Variants in RPS6KA2 observed in about 807,000 individuals in gnomAD.
RPS6KA2 encodes ribosomal protein S6 kinase alpha-2.
A neutral mutation model predicts 91.8 loss-of-function variants in RPS6KA2; 42 were observed. That is an observed-to-expected ratio of 0.46 (90% confidence interval 0.36 to 0.59). The LOEUF is 0.59. Ranked by LOEUF, RPS6KA2 falls within the 20% of genes least tolerant of loss-of-function variation. The probability of loss-of-function intolerance (pLI) is 0.00; values close to 1 mark genes in which losing one functional copy is unlikely to be tolerated. For missense variants in RPS6KA2, 798 were observed against 978.5 expected (o/e 0.82, Z 2.46); for synonymous variants, 414 against 393.6 (o/e 1.05, Z -0.61).
At chr6:166,422,494 G>C (rs1472092383) in intron 17 of RPS6KA2, among the ~76,000 whole-genome samples, 1 of 152,108 alleles carries the variant, frequency 6.6e-6, no homozygotes, top group South Asian at 2.1e-4. Flanking sequence ...TCTGAAGTCC[G>C]CCTTCCTTCC....
At chr6:166,676,199 C>G (rs1291981987) in intron 2 of RPS6KA2, among the ~76,000 whole-genome samples, 1 of 152,050 alleles carries the variant, frequency 6.6e-6, no homozygotes, top group Non-Finnish European at 1.5e-5. Flanking sequence ...CACCTGTAAT[C>G]CCAGCTACTC....
intron 2 of RPS6KA2, among the ~76,000 whole-genome samples, chr6:166,775,259 C>G (rs148179028): frequency 2.0e-5 from 3 of 147,690 alleles, no homozygotes; most frequent in East Asian, 2.1e-4. Flanking sequence ...AAGCCCCCCC[C>G]ACCCCCGGCC....
At chr6:166,645,149 C>A (rs984179415) in intron 2 of RPS6KA2, among the ~76,000 whole-genome samples, 1 of 152,194 alleles carries the variant, frequency 6.6e-6, no homozygotes, top group Non-Finnish European at 1.5e-5. Flanking sequence ...ATGAACGAAA[C>A]TACTTACGCA....
At chr6:166,802,959 T>TAA (rs1468348857) in intron 2 of RPS6KA2, among the ~76,000 whole-genome samples, 1 of 151,348 alleles carries the variant, frequency 6.6e-6, no homozygotes, top group Non-Finnish European at 1.5e-5. Flanking sequence ...TATATATATA[T>TAA]ATATAAAATG....
intron 2 of RPS6KA2, chr6:166,701,315 C>G: frequency 6.5e-7 from 1 of 1,543,062 alleles, no homozygotes; most frequent in South Asian, 1.1e-5. Context: ...ACCGTTTTGC[C>G]TCCTTTTCCA....
chr6:166,637,009 G>A (rs1489923589), intron 2 of RPS6KA2, among the ~76,000 whole-genome samples: 1 of 152,242 alleles, frequency 6.6e-6, no homozygotes, highest in African/African-American at 2.4e-5. Context: ...ATGCAGGGGA[G>A]GAAATTCGGC....
At position 166,519,196 on chromosome 6, in the gene RPS6KA2, T is replaced by A. The variant is rs1323241596; in HGVS notation, c.299-8839A>T. On this transcript the variant is annotated intron_variant, in intron 3 of 20. Transcript: ENST00000265678. ...AAAAAGAAAACCAAGTGAAGAGGTT[T>A]CTTCAGAAATGTCAGCAACAATTTC... Among the ~76,000 whole-genome samples, 3 of 152,240 alleles carry A rather than the reference T, an allele frequency of 2.0e-5. No individual in the cohort carries two copies. In the East Asian group the frequency reaches 5.8e-4, roughly 29 times the overall value.
At chr6:166,441,078 G>A (rs1779505228) in intron 14 of RPS6KA2, among the ~76,000 whole-genome samples, 1 of 152,192 alleles carries the variant, frequency 6.6e-6, no homozygotes, top group Non-Finnish European at 1.5e-5. Flanking sequence ...CTCTTCTGGT[G>A]GAAGAGAAAT....
At chr6:166,492,720 CTTT>C (rs10533292) in intron 8 of RPS6KA2, among the ~76,000 whole-genome samples, 2 of 141,152 alleles carry the variant, frequency 1.4e-5, no homozygotes, top group Non-Finnish European at 3.1e-5. Flanking sequence ...TTTTTCTTTT[CTTT>C]TTTTTTTTTT....
chr6:166,812,233 G>A (rs766518956), intron 2 of RPS6KA2, among the ~76,000 whole-genome samples: 5 of 152,214 alleles, frequency 3.3e-5, no homozygotes, highest in Middle Eastern at 3.2e-3. Context: ...GTGGGCACCT[G>A]TAATACCAGC....
chr6:166,631,995 A>T (rs1164666038), upstream of RPS6KA2, among the ~76,000 whole-genome samples: 1 of 152,168 alleles, frequency 6.6e-6, no homozygotes, highest in East Asian at 1.9e-4. Flanking sequence ...CTCTCCGCAC[A>T]TTTCCAGGAT....
chr6:166,814,692 C>A (rs1779718668), intron 2 of RPS6KA2, among the ~76,000 whole-genome samples: 1 of 152,196 alleles, frequency 6.6e-6, no homozygotes, highest in South Asian at 2.1e-4. Context: ...GCATTAGATT[C>A]TCATAGGAAC....
At chr6:166,668,037 C>T (rs1788367540) in intron 2 of RPS6KA2, among the ~76,000 whole-genome samples, 1 of 152,204 alleles carries the variant, frequency 6.6e-6, no homozygotes, top group African/African-American at 2.4e-5. Flanking sequence ...ATACAGAACA[C>T]AGTCTCCTGG....
intron 2 of RPS6KA2, among the ~76,000 whole-genome samples, chr6:166,747,356 C>G (rs143466024): frequency 1.3e-5 from 2 of 152,198 alleles, no homozygotes; most frequent in Non-Finnish European, 2.9e-5. Context: ...ATTTTGGTAT[C>G]GCAGATACTG....
intron 1 of RPS6KA2, among the ~76,000 whole-genome samples, chr6:166,607,835 T>G (rs979969277): frequency 6.6e-6 from 1 of 152,290 alleles, no homozygotes; most frequent in Middle Eastern, 3.4e-3. Flanking sequence ...AATACTGAGA[T>G]GGTTCTTCAG....
intron 2 of RPS6KA2, among the ~76,000 whole-genome samples, chr6:166,750,152 G>A (rs1021121958): frequency 1.1e-4 from 16 of 152,222 alleles, no homozygotes; most frequent in Non-Finnish European, 1.9e-4. Flanking sequence ...CTGTGCTACT[G>A]TGAAGGGCGG....
chr6:166,502,090 G>A (rs1782048579), intron 6 of RPS6KA2, among the ~76,000 whole-genome samples: 2 of 152,212 alleles, frequency 1.3e-5, no homozygotes, highest in Non-Finnish European at 2.9e-5. Flanking sequence ...GGGGGACAGA[G>A]CTTTAGTTCT....
chr6:166,824,797 C>G (rs1436508011), intron 2 of RPS6KA2, among the ~76,000 whole-genome samples: 4 of 134,800 alleles, frequency 3.0e-5, no homozygotes, highest in South Asian at 5.2e-4. Flanking sequence ...GTGTGTGTGT[C>G]TGTGTGTCTA....
chr6:166,544,915 C>T (rs1179662088), intron 1 of RPS6KA2, among the ~76,000 whole-genome samples: 18 of 152,128 alleles, frequency 1.2e-4, no homozygotes, highest in African/African-American at 4.1e-4. Flanking sequence ...TACAGCAGAA[C>T]GAGTACCCTC....
Sources: gnomAD v4.1 joint callset for allele counts (sites outside exome capture counted in the v4.1 genomes callset) on GRCh38, gnomAD v4.1.1 for gene constraint, MANE v1.5 for transcripts, NCBI Gene and HGNC (gene_info 2026-07-23, HGNC 2026-07-21) for gene names.